Variants in CEMIP observed in about 807,000 individuals in gnomAD.
CEMIP encodes the protein cell migration-inducing and hyaluronan-binding protein.
CEMIP carries 105 observed loss-of-function variants against 156.9 expected under a neutral mutation model. The ratio of observed to expected loss-of-function variants is 0.67; its 90% CI spans 0.57 to 0.79. The LOEUF is 0.79. CEMIP is among the 30% of genes least tolerant of loss of function. The pLI, the probability that CEMIP is intolerant of heterozygous loss-of-function variation, is 0.00. For missense variants in CEMIP, 1,457 were observed against 1,769.4 expected (o/e 0.82, Z 3.17); for synonymous variants, 676 against 668.4 (o/e 1.01, Z -0.17).
chr15:80,783,096 G>A (rs1444586486), intron 1 of CEMIP, among the ~76,000 whole-genome samples: 1 of 152,248 alleles, frequency 6.6e-6, no homozygotes, highest in Non-Finnish European at 1.5e-5. Context: ...GGGAAGGCCA[G>A]CAGAGTGAAA....
intron 1 of CEMIP, among the ~76,000 whole-genome samples, chr15:80,814,580 T>A (rs1896749211): frequency 6.6e-6 from 1 of 152,192 alleles, no homozygotes; most frequent in South Asian, 2.1e-4. Flanking sequence ...GCATCTTCCC[T>A]ATTCCCCAAA....
Position 80,852,393 on chromosome 15 carries a change from T to C in CEMIP, c.-175-21145T>C, listed in dbSNP as rs563491651. ...TCCATGGCTACTTCCAATGTGTGTG[T>C]GTGTTTTTTTTTTAAGTGGAGAGGT... On this transcript the variant is annotated intron_variant, in intron 1 of 29. Transcript: ENST00000394685. 9.6e-4 allele frequency among the ~76,000 whole-genome samples: 146 copies of C among 152,114 alleles called. 1 individual carries two copies. The highest frequency in any genetic ancestry group is 1.7e-3 in the Non-Finnish European group (116 of 67,984).
At chr15:80,837,372 CCAGG>C (rs1897291820) in intron 1 of CEMIP, among the ~76,000 whole-genome samples, 3 of 152,074 alleles carry the variant, frequency 2.0e-5, no homozygotes, top group Non-Finnish European at 4.4e-5. Context: ...AGAGGGTTTC[CCAGG>C]CTCCTTTGGA....
At chr15:80,948,654 G>A in intron 29 of CEMIP, 143 bp from the exon 30 acceptor site, 1 of 1,101,300 alleles carries the variant, frequency 9.1e-7, no homozygotes, top group Non-Finnish European at 1.4e-6. Context: ...TGAGCACAGA[G>A]CTCTTCCCAA....
At position 80,792,558 on chromosome 15, in the gene CEMIP, G is replaced by A. The variant is rs993193575; in HGVS notation, c.-176+12944G>A. Among the ~76,000 whole-genome samples, 6 of 152,224 alleles carry A rather than the reference G, an allele frequency of 3.9e-5. No homozygotes were observed. The South Asian group carries it at 1.2e-3, about 32-fold the overall frequency. ...CTGTGTACTATGTGAACTAATACAC[G>A]GCAACTTCTTAGAGTTATGATCTTG... On this transcript the variant is annotated intron_variant, in intron 1 of 29. Transcript: ENST00000394685.
chr15:80,928,224 G>C (rs530861501), intron 19 of CEMIP, among the ~76,000 whole-genome samples: 1 of 152,160 alleles, frequency 6.6e-6, no homozygotes, highest in South Asian at 2.1e-4. Flanking sequence ...AGGGTCTGTG[G>C]TAGCACAGAC....
intron 14 of CEMIP, chr15:80,909,608 G>A (rs764187854): frequency 2.6e-5 from 13 of 493,634 alleles, no homozygotes; most frequent in East Asian, 5.8e-5. Context: ...ATCATTCCAC[G>A]GCCACACAGC....
At chr15:80,909,049 C>G in intron 13 of CEMIP, 48 bp from the exon 14 acceptor site, 1 of 1,580,368 alleles carries the variant, frequency 6.3e-7, no homozygotes, top group Non-Finnish European at 8.7e-7. Context: ...CCAGGGAAAT[C>G]ACAAAGCATC....
Position 80,884,359 on chromosome 15 carries a change from T to C in CEMIP, c.797+5T>C, listed in dbSNP as rs1418206090. The C allele has an allele frequency of 6.2e-7, 1 of 1,614,044 alleles. No individual in the cohort carries two copies. The highest frequency in any genetic ancestry group is 1.7e-5 in the Admixed American group (1 of 60,028). ...CTTCCTGCACCTTGGATTTAGGTAC[T>C]GCCCCTCACTTCGGCTTCCACTGGG... On this transcript the variant is annotated splice_donor_5th_base_variant and intron_variant, in intron 7 of 29. Coordinates refer to ENST00000394685, the MANE Select transcript of CEMIP (RefSeq NM_001293298.2).
At chr15:80,830,001 T>TGTGTGTGTGTGTGC (rs1297001861) in intron 1 of CEMIP, among the ~76,000 whole-genome samples, 4 of 81,476 alleles carry the variant, frequency 4.9e-5, no homozygotes, top group Admixed American at 2.4e-4. Flanking sequence ...TGTGTGTGTG[T>TGTGTGTGTGTGTGC]GCGCGCATGT....
At chr15:80,869,112 C>T (rs1378813224) in intron 1 of CEMIP, among the ~76,000 whole-genome samples, 1 of 152,190 alleles carries the variant, frequency 6.6e-6, no homozygotes, top group African/African-American at 2.4e-5. Context: ...AGGTGGCTGT[C>T]TTCTCCCTGT....
intron 3 of CEMIP, among the ~76,000 whole-genome samples, chr15:80,877,806 G>A (rs929033558): frequency 6.6e-6 from 1 of 152,130 alleles, no homozygotes; most frequent in Non-Finnish European, 1.5e-5. Flanking sequence ...CATTCACACT[G>A]GTGACCACAT....
intron 18 of CEMIP, 34 bp downstream of exon 18, chr15:80,924,740 G>A: frequency 1.3e-6 from 2 of 1,572,672 alleles, no homozygotes; most frequent in Non-Finnish European, 1.7e-6. Context: ...AGTCCACGGT[G>A]ACCTTGCAGT....
intron 1 of CEMIP, among the ~76,000 whole-genome samples, chr15:80,832,322 C>CTCTGTGTG (rs1555429057): frequency 0.13 from 16,486 of 128,478 alleles, 1,177 homozygotes; most frequent in Non-Finnish European, 0.14. Context: ...AAAATAAACT[C>CTCTGTGTG]TGTGTGTGTG....
chr15:80,785,650 G>A lies in CEMIP; in HGVS notation c.-176+6036G>A, dbSNP rs147702934. Among the ~76,000 whole-genome samples, 15 of 152,278 alleles carry A rather than the reference G, an allele frequency of 9.9e-5. No individual in the cohort carries two copies. The East Asian group carries it at 2.3e-3, about 24-fold the overall frequency. On this transcript the variant is annotated intron_variant, in intron 1 of 29. Transcript: ENST00000394685. ...AGATTAGTCAAGAGGAGTGGAGGGC[G>A]TGAGACCTGCTGGAGAAATGAAGAA...
At chr15:80,789,059 A>G (rs1473967042) in intron 1 of CEMIP, among the ~76,000 whole-genome samples, 1 of 152,162 alleles carries the variant, frequency 6.6e-6, no homozygotes. Context: ...TTTGCACCCA[A>G]GGCGAGTGCC....
intron 3 of CEMIP, among the ~76,000 whole-genome samples, chr15:80,878,334 A>AT (rs1898537837): frequency 6.6e-6 from 1 of 152,156 alleles, no homozygotes; most frequent in Non-Finnish European, 1.5e-5. Flanking sequence ...AAAGAGCTTC[A>AT]TTAGCTATTC....
In CEMIP at chr15:80,798,779, G is replaced by A. The variant is rs535050698; in HGVS notation, c.-176+19165G>A. ...CCCATTCTTCCCTTTCAGTTATTTT[G>A]AAAAATATGTAAAATATTTTCATGC... On this transcript the variant is annotated intron_variant, in intron 1 of 29. Coordinates refer to ENST00000394685, the MANE Select transcript of CEMIP (RefSeq NM_001293298.2). Among the ~76,000 whole-genome samples the A allele has an allele frequency of 1.6e-4, 25 of 152,028 alleles. No individual in the cohort carries two copies. In the South Asian group the frequency reaches 5.0e-3, roughly 30 times the overall value.
chr15:80,849,574 T>G lies in CEMIP; in HGVS notation c.-175-23964T>G, dbSNP rs139399455. Among the ~76,000 whole-genome samples the G allele has an allele frequency of 5.3e-3, 804 of 152,294 alleles. 11 individuals are homozygous for G. Among genetic ancestry groups the G allele is most frequent in the African/African-American group, 0.015 (612 of 41,564 alleles). On this transcript the variant is annotated intron_variant, in intron 1 of 29. Transcript: ENST00000394685. ...GAGGGTTCTCGGGCCAGTTCACTCC[T>G]TAGGCCCAGTTCCAGTTACTCGTGT...
Sources: gnomAD v4.1 joint callset for allele counts (sites outside exome capture counted in the v4.1 genomes callset) on GRCh38, gnomAD v4.1.1 for gene constraint, MANE v1.5 for transcripts, NCBI Gene and HGNC (gene_info 2026-07-23, HGNC 2026-07-21) for gene names.